Variants in CNGA3 observed in about 807,000 individuals in gnomAD.
CNGA3 encodes cyclic nucleotide-gated channel alpha-3.
A neutral mutation model predicts 46.6 loss-of-function variants in CNGA3; 42 were observed. That is an observed-to-expected ratio of 0.90 (90% CI 0.70 to 1.17). The LOEUF is 1.17. CNGA3 is among the 50% of genes most tolerant of loss of function. The pLI, the probability that CNGA3 is intolerant of heterozygous loss-of-function variation, is 0.00. For missense variants in CNGA3, 893 were observed against 890.7 expected, an observed-to-expected ratio of 1.00 and a Z score of -0.03; for synonymous variants, 394 against 369.4, an observed-to-expected ratio of 1.07 and a Z score of -0.76.
intron 5 of CNGA3, among the ~76,000 whole-genome samples, chr2:98,384,243 C>T (rs1356848160): frequency 6.6e-6 from 1 of 152,118 alleles, no homozygotes; most frequent in African/African-American, 2.4e-5. Context: ...GTAATCAGAG[C>T]AGTGGAAAAA....
chr2:98,348,512 G>C (rs1327849016), intron 1 of CNGA3, among the ~76,000 whole-genome samples: 2 of 152,162 alleles, frequency 1.3e-5, no homozygotes, highest in East Asian at 3.9e-4. Context: ...TAGGGAGTGG[G>C]GCGGGGACGG....
chr2:98,367,650 A>G (rs145845527), intron 1 of CNGA3, among the ~76,000 whole-genome samples: 1 of 152,004 alleles, frequency 6.6e-6, no homozygotes, highest in East Asian at 1.9e-4. Context: ...CCCTGTCTCA[A>G]TGGGCAGGCA....
At chr2:98,388,572 G>A (rs940505349) in intron 5 of CNGA3, among the ~76,000 whole-genome samples, 6 of 152,192 alleles carry the variant, frequency 3.9e-5, no homozygotes, top group Non-Finnish European at 8.8e-5. Flanking sequence ...TCCAAGCTCC[G>A]GGAACTCAAG....
chr2:98,367,167 G>GTTTATTTTCCTTTTTTTTTTTT (rs751611132), intron 1 of CNGA3, among the ~76,000 whole-genome samples: 1 of 101,588 alleles, frequency 9.8e-6, no homozygotes, highest in African/African-American at 3.3e-5. Flanking sequence ...GACATCAGCT[G>GTTTATTTTCCTTTTTTTTTTTT]TTTTTTTTCT....
chr2:98,375,351 G>A (rs1055133771), intron 2 of CNGA3, among the ~76,000 whole-genome samples: 1 of 152,208 alleles, frequency 6.6e-6, no homozygotes, highest in African/African-American at 2.4e-5. Context: ...CTCCATCCTT[G>A]GGATTGCCTC....
At chr2:98,386,895 C>T (rs747133488) in intron 5 of CNGA3, among the ~76,000 whole-genome samples, 6 of 152,148 alleles carry the variant, frequency 3.9e-5, no homozygotes, top group Admixed American at 2.0e-4. Context: ...AAGATCCAAA[C>T]GAGCAGGAAT....
intron 2 of CNGA3, among the ~76,000 whole-genome samples, chr2:98,372,424 G>T (rs1350332786): frequency 6.6e-6 from 1 of 152,160 alleles, no homozygotes; most frequent in African/African-American, 2.4e-5. Context: ...TCAGCCACAT[G>T]GTCAGGGGCT....
chr2:98,375,114 T>C (rs567167482), intron 2 of CNGA3, among the ~76,000 whole-genome samples: 24 of 152,274 alleles, frequency 1.6e-4, no homozygotes, highest in African/African-American at 5.5e-4. Flanking sequence ...ATGCAACAGC[T>C]CTCGCTGCTG....
intron 2 of CNGA3, among the ~76,000 whole-genome samples, chr2:98,373,596 AGAATGAAAACATTTCATTT>A (rs900946246): frequency 6.6e-6 from 1 of 152,240 alleles, no homozygotes; most frequent in Admixed American, 6.5e-5. Flanking sequence ...GTCATAGGGA[AGAATGAAAACATTTCATTT>A]GAATGAAAAC....
At chr2:98,391,821 G>A in intron 6 of CNGA3, 43 bp from the exon 7 acceptor site, 1 of 1,601,056 alleles carries the variant, frequency 6.2e-7, no homozygotes, top group Non-Finnish European at 8.6e-7. Context: ...CCACGCTCCA[G>A]AAACACACGC....
chr2:98,353,801 A>G (rs1006391529), intron 1 of CNGA3, among the ~76,000 whole-genome samples: 1 of 152,184 alleles, frequency 6.6e-6, no homozygotes, highest in African/African-American at 2.4e-5. Context: ...CTTCTTGGGA[A>G]GCCTCAGGAA....
intron 2 of CNGA3, among the ~76,000 whole-genome samples, chr2:98,370,915 A>T (rs184637871): frequency 7.8e-4 from 119 of 152,140 alleles, no homozygotes; most frequent in African/African-American, 2.8e-3. Flanking sequence ...ATCTCGGCTC[A>T]CTGGGTTCAA....
intron 6 of CNGA3, 117 bp downstream of exon 6, chr2:98,389,891 A>G (rs910773032): frequency 2.8e-6 from 2 of 716,608 alleles, no homozygotes; most frequent in Non-Finnish European, 4.8e-6. Context: ...CACGGCCACC[A>G]CTTAGTTATT....
At chr2:98,368,564 C>G in intron 1 of CNGA3, among the ~76,000 whole-genome samples, 1 of 152,334 alleles carries the variant, frequency 6.6e-6, no homozygotes, top group East Asian at 1.9e-4. Flanking sequence ...ATGTTCATGA[C>G]CTGATTTCTG....
At position 98,383,525 on chromosome 2, in the gene CNGA3, A is replaced by G. The variant is rs1692583912; in HGVS notation, c.449+84A>G. The G allele has an allele frequency of 7.8e-6, 10 of 1,290,090 alleles. 1 individual carries two copies. The South Asian group carries it at 1.1e-4, about 14-fold the overall frequency. The allele number at this position is 1,290,090 out of a possible 1,614,324, so 79.9% of individuals were successfully genotyped here. Reference sequence around the variant, plus strand: ...AAGCCCCAGCTTGGCCTCTCTCCTTAGTGCTCCTGCTCCCCACTCCCAGAG... The same window carrying G: ...AAGCCCCAGCTTGGCCTCTCTCCTTGGTGCTCCTGCTCCCCACTCCCAGAG... On this transcript the variant is annotated intron_variant, in intron 5 of 7. Transcript: ENST00000272602.
chr2:98,357,159 G>A (rs145157415), intron 1 of CNGA3, among the ~76,000 whole-genome samples: 4 of 152,126 alleles, frequency 2.6e-5, no homozygotes, highest in Non-Finnish European at 4.4e-5. Flanking sequence ...TGCCTTTAAG[G>A]CTTTTGGAGT....
At chr2:98,395,397 T>C (rs796125700) in intron 7 of CNGA3, among the ~76,000 whole-genome samples, 13 of 152,306 alleles carry the variant, frequency 8.5e-5, no homozygotes, top group African/African-American at 3.1e-4. Context: ...CTCAAACCCT[T>C]GACCTCAGGT....
At chr2:98,384,150 A>C (rs1408918397) in intron 5 of CNGA3, among the ~76,000 whole-genome samples, 2 of 152,140 alleles carry the variant, frequency 1.3e-5, no homozygotes, top group Admixed American at 1.3e-4. Context: ...CGGCCTCCAA[A>C]GTGCTAGGAT....
Position 98,368,223 on chromosome 2 carries a change from G to C in CNGA3, c.-37-1716G>C, listed in dbSNP as rs546231825. Among the ~76,000 whole-genome samples, 32 of 152,334 alleles carry C rather than the reference G, an allele frequency of 2.1e-4. No homozygotes were observed. In the East Asian group the frequency reaches 5.6e-3, roughly 27 times the overall value. ...GCCCTTTTGTAACTGGCAGAGGGTTGGCCAAATGTGCATGGCCACACCAAT... is the reference window on the plus strand; with the variant it reads ...GCCCTTTTGTAACTGGCAGAGGGTTCGCCAAATGTGCATGGCCACACCAAT... On this transcript the variant is annotated intron_variant, in intron 1 of 7. Transcript: ENST00000272602.
Sources: gnomAD v4.1 joint callset for allele counts (sites outside exome capture counted in the v4.1 genomes callset) on GRCh38, gnomAD v4.1.1 for gene constraint, MANE v1.5 for transcripts, NCBI Gene and HGNC (gene_info 2026-07-23, HGNC 2026-07-21) for gene names.